The following CNKSR3 variants were observed in gnomAD, a reference collection of about 807,000 sequenced individuals.
The protein encoded by CNKSR3 is connector enhancer of kinase suppressor of ras 3.
A neutral mutation model predicts 67.7 loss-of-function variants in CNKSR3; 36 were observed. That is an observed-to-expected ratio of 0.53 (90% confidence interval 0.41 to 0.70). The LOEUF (loss-of-function observed/expected upper bound fraction) is 0.70, where lower values mean the gene tolerates loss of function less well. CNKSR3 is among the 30% of genes least tolerant of loss of function. CNKSR3 has a pLI of 0.00. For missense variants in CNKSR3, 630 were observed against 695.2 expected (o/e 0.91, Z 1.05); for synonymous variants, 281 against 271.4 (o/e 1.04, Z -0.35).
rs114485121 is a variant in CNKSR3 at position 154,481,776 on chromosome 6, C to T, written c.52+28287G>A. Reference sequence around the variant, plus strand: ...ATTATCAGGCCAAGAAGGCATCTTCCTCTTTTTCTAAATAACGTGAGCCAA... The same window carrying T: ...ATTATCAGGCCAAGAAGGCATCTTCTTCTTTTTCTAAATAACGTGAGCCAA... On this transcript the variant is annotated intron_variant, in intron 1 of 12. Coordinates refer to ENST00000607772, the MANE Select transcript of CNKSR3 (RefSeq NM_173515.4). 5.5e-3 allele frequency among the ~76,000 whole-genome samples: 839 copies of T among 152,294 alleles called. 11 individuals are homozygous for T. The highest frequency in any genetic ancestry group is 0.019 in the African/African-American group (804 of 41,548).
At chr6:154,474,199 T>G (rs1786392465) in intron 1 of CNKSR3, among the ~76,000 whole-genome samples, 2 of 147,234 alleles carry the variant, frequency 1.4e-5, no homozygotes, top group Admixed American at 1.4e-4. Flanking sequence ...GATCATGAGG[T>G]CAGGAGATCA....
intron 12 of CNKSR3, among the ~76,000 whole-genome samples, chr6:154,407,896 C>G (rs1300425882): frequency 2.3e-5 from 1 of 42,716 alleles, no homozygotes; most frequent in East Asian, 1.2e-3. Flanking sequence ...AAAAAAAAAA[C>G]CTAAATTTCC....
intron 1 of CNKSR3, among the ~76,000 whole-genome samples, chr6:154,508,320 C>CTT (rs140375995): frequency 6.6e-6 from 1 of 152,010 alleles, no homozygotes; most frequent in Admixed American, 6.6e-5. Context: ...ATTTCATGTT[C>CTT]TTTTTTTTCA....
intron 1 of CNKSR3, among the ~76,000 whole-genome samples, chr6:154,457,076 G>A (rs1394489908): frequency 1.3e-5 from 2 of 152,104 alleles, no homozygotes; most frequent in African/African-American, 4.8e-5. Flanking sequence ...CCGACTTACT[G>A]ACACCACTGG....
intron 2 of CNKSR3, 21 bp from the exon 3 acceptor site, chr6:154,442,311 G>A (rs769387266): frequency 1.2e-6 from 2 of 1,604,716 alleles, no homozygotes; most frequent in Non-Finnish European, 1.7e-6. Context: ...TAAAATCAAA[G>A]AGAAAAATTC....
At chr6:154,429,478 C>T (rs1785321076) in intron 6 of CNKSR3, among the ~76,000 whole-genome samples, 2 of 152,196 alleles carry the variant, frequency 1.3e-5, no homozygotes, top group Non-Finnish European at 2.9e-5. Context: ...CTACTCAGGA[C>T]ATTTATCTGC....
At chr6:154,454,136 GAGAGA>G (rs1785901703) in intron 1 of CNKSR3, among the ~76,000 whole-genome samples, 1 of 138,690 alleles carries the variant, frequency 7.2e-6, no homozygotes, top group Non-Finnish European at 1.6e-5. Flanking sequence ...GAGAGAGAGA[GAGAGA>G]GAGATAAGAG....
chr6:154,487,484 G>A (rs2114645573), intron 1 of CNKSR3, among the ~76,000 whole-genome samples: 1 of 152,236 alleles, frequency 6.6e-6, no homozygotes, highest in Admixed American at 6.5e-5. Flanking sequence ...AGGAGTAAAG[G>A]ATCCAAACTT....
intron 9 of CNKSR3, among the ~76,000 whole-genome samples, chr6:154,418,487 A>G (rs935740508): frequency 6.6e-6 from 1 of 152,126 alleles, no homozygotes; most frequent in Admixed American, 6.6e-5. Flanking sequence ...CCATCCGCCA[A>G]TGCAAATCCC....
At chr6:154,418,413 T>A (rs527700455) in intron 9 of CNKSR3, among the ~76,000 whole-genome samples, 1 of 152,234 alleles carries the variant, frequency 6.6e-6, no homozygotes, top group Non-Finnish European at 1.5e-5. Flanking sequence ...GATGGTGGTC[T>A]ATCTATGTTT....
At chr6:154,442,364 T>G (rs1461844400) in intron 2 of CNKSR3, 74 bp from the exon 3 acceptor site, 2 of 1,286,974 alleles carry the variant, frequency 1.6e-6, no homozygotes, top group Non-Finnish European at 2.2e-6. Context: ...GGCTCACGCC[T>G]GTAATCCTAG....
intron 1 of CNKSR3, among the ~76,000 whole-genome samples, chr6:154,489,804 C>T (rs1390131309): frequency 6.6e-6 from 1 of 152,134 alleles, no homozygotes; most frequent in African/African-American, 2.4e-5. Context: ...AGAGTGAAGT[C>T]TCTGAACATA....
intron 1 of CNKSR3, among the ~76,000 whole-genome samples, chr6:154,471,754 C>T (rs1786334643): frequency 6.6e-6 from 1 of 152,144 alleles, no homozygotes. Flanking sequence ...TTCCCTGTCA[C>T]GTTTGTGTCT....
intron 12 of CNKSR3, among the ~76,000 whole-genome samples, chr6:154,407,980 T>C (rs1219292042): frequency 6.6e-6 from 1 of 151,162 alleles, no homozygotes; most frequent in Non-Finnish European, 1.5e-5. Context: ...TCTTTTCAAA[T>C]ATGGTGTAGA....
chr6:154,414,265 G>C, intron 10 of CNKSR3, 34 bp downstream of exon 10: 1 of 1,541,586 alleles, frequency 6.5e-7, no homozygotes. Flanking sequence ...ACCAACAGGA[G>C]ACAAGCATAC....
intron 1 of CNKSR3, among the ~76,000 whole-genome samples, chr6:154,487,773 T>C (rs1786704065): frequency 6.6e-6 from 1 of 152,254 alleles, no homozygotes; most frequent in African/African-American, 2.4e-5. Context: ...CCATGGTTTT[T>C]ATAGGCTGAT....
At chr6:154,487,590 T>C (rs1470315818) in intron 1 of CNKSR3, among the ~76,000 whole-genome samples, 2 of 152,140 alleles carry the variant, frequency 1.3e-5, no homozygotes, top group African/African-American at 4.8e-5. Flanking sequence ...ACAAACACAC[T>C]GATTTATCCA....
rs924490711 is a variant in CNKSR3, at chr6:154,405,035, G to T, written c.*1319C>A. 1 of 152,172 alleles carries T rather than the reference G, an allele frequency of 6.6e-6. No individual in the cohort carries two copies. The highest frequency in any genetic ancestry group is 2.4e-5 in the African/African-American group (1 of 41,430). The allele number at this position is 152,172 out of a possible 1,614,324, so 9.4% of individuals were successfully genotyped here. ...GTGGTATGAGAAAGGGCATTTTGGAGTAGGAGATTTCGGCTCTGCCTAGGA... is the reference window on the plus strand; with the variant it reads ...GTGGTATGAGAAAGGGCATTTTGGATTAGGAGATTTCGGCTCTGCCTAGGA... On this transcript the variant is annotated 3_prime_UTR_variant, in exon 13 of 13. Coordinates refer to ENST00000607772, the MANE Select transcript of CNKSR3 (RefSeq NM_173515.4).
At chr6:154,448,157 T>G (rs533687304) in intron 2 of CNKSR3, among the ~76,000 whole-genome samples, 2 of 152,166 alleles carry the variant, frequency 1.3e-5, no homozygotes, top group South Asian at 4.1e-4. Flanking sequence ...TTGTCCAGCT[T>G]TGTTCATTTT....
Sources: allele counts gnomAD v4.1 joint callset (sites outside exome capture counted in the v4.1 genomes callset), GRCh38; gene constraint gnomAD v4.1.1; transcripts MANE v1.5; gene names NCBI Gene and HGNC (gene_info 2026-07-23, HGNC 2026-07-21).